ROBO2: variants seen among roughly 807,000 people sequenced by gnomAD.
The protein encoded by ROBO2 is roundabout homolog 2.
A neutral mutation model predicts 160.8 loss-of-function variants in ROBO2; 53 were observed. The ratio of observed to expected loss-of-function variants is 0.33; its 90% CI spans 0.26 to 0.41. The LOEUF is 0.41. Among genes scored for constraint, ROBO2 ranks in the 10% least tolerant of loss-of-function variants. The pLI is 1.00. For synonymous variants in ROBO2, 664 were observed against 611.7 expected, an observed-to-expected ratio of 1.09 and a Z score of -1.26; for missense variants, 1,577 against 1,722.4, an observed-to-expected ratio of 0.92 and a Z score of 1.49.
intron 2 of ROBO2, among the ~76,000 whole-genome samples, chr3:76,539,361 TTA>T (rs2082693021): frequency 7.1e-6 from 1 of 141,222 alleles, no homozygotes; most frequent in African/African-American, 2.8e-5. Flanking sequence ...TTAAGTAAAA[TTA>T]AAAAAAAAAA....
At chr3:76,054,664 A>G (rs2107834593) in intron 2 of ROBO2, among the ~76,000 whole-genome samples, 1 of 152,326 alleles carries the variant, frequency 6.6e-6, no homozygotes, top group African/African-American at 2.4e-5. Flanking sequence ...ATTACATATT[A>G]TATTATTCAA....
chr3:76,189,282 G>A (rs1417186612), intron 2 of ROBO2, among the ~76,000 whole-genome samples: 2 of 152,010 alleles, frequency 1.3e-5, no homozygotes, highest in Non-Finnish European at 2.9e-5. Flanking sequence ...TGAAGAGAAA[G>A]TATTCAACAC....
intron 2 of ROBO2, among the ~76,000 whole-genome samples, chr3:77,391,656 A>C (rs2074745937): frequency 6.6e-6 from 1 of 152,130 alleles, no homozygotes; most frequent in Non-Finnish European, 1.5e-5. Flanking sequence ...AATTCAAAAT[A>C]AGATTTGGGT....
chr3:77,429,538 GT>G (rs1255391978), intron 2 of ROBO2, among the ~76,000 whole-genome samples: 1 of 151,704 alleles, frequency 6.6e-6, no homozygotes, highest in East Asian at 1.9e-4. Flanking sequence ...GGACTTTGCA[GT>G]TTTGTTATGT....
At chr3:77,033,477 T>A (rs532386234) in intron 2 of ROBO2, among the ~76,000 whole-genome samples, 6 of 152,152 alleles carry the variant, frequency 3.9e-5, no homozygotes, top group Non-Finnish European at 7.4e-5. Flanking sequence ...TCTAGCTTTG[T>A]GATGAAATGT....
chr3:76,429,245 A>T (rs941171561), intron 2 of ROBO2, among the ~76,000 whole-genome samples: 1 of 151,944 alleles, frequency 6.6e-6, no homozygotes, highest in Non-Finnish European at 1.5e-5. Context: ...TGTATATGCT[A>T]TGTCCAAGGT....
intron 2 of ROBO2, among the ~76,000 whole-genome samples, chr3:77,180,265 A>C (rs1347586342): frequency 6.6e-6 from 1 of 151,938 alleles, no homozygotes; most frequent in Non-Finnish European, 1.5e-5. Context: ...CCTCATTTGA[A>C]TCATTGAATC....
chr3:77,280,780 C>A (rs1430509953), intron 2 of ROBO2, among the ~76,000 whole-genome samples: 1 of 152,176 alleles, frequency 6.6e-6, no homozygotes, highest in African/African-American at 2.4e-5. Flanking sequence ...CATGGTTCAA[C>A]TTCCTTTCAG....
At chr3:76,528,800 C>T (rs2082077948) in intron 2 of ROBO2, among the ~76,000 whole-genome samples, 1 of 152,064 alleles carries the variant, frequency 6.6e-6, no homozygotes, top group Non-Finnish European at 1.5e-5. Flanking sequence ...TAGGGCATTT[C>T]TACTTTTACA....
At chr3:77,598,315 A>G (rs1383914516) in intron 19 of ROBO2, among the ~76,000 whole-genome samples, 2 of 151,762 alleles carry the variant, frequency 1.3e-5, no homozygotes, top group Non-Finnish European at 1.5e-5. Flanking sequence ...TGATTATTGC[A>G]TAAGTCTGCA....
chr3:77,301,335 A>C (rs2062640753), intron 2 of ROBO2, among the ~76,000 whole-genome samples: 1 of 152,128 alleles, frequency 6.6e-6, no homozygotes, highest in African/African-American at 2.4e-5. Flanking sequence ...GACTGGTGTT[A>C]AAACAGTTCC....
chr3:77,368,352 A>G (rs2071237243), intron 2 of ROBO2, among the ~76,000 whole-genome samples: 2 of 152,176 alleles, frequency 1.3e-5, no homozygotes, highest in Non-Finnish European at 1.5e-5. Context: ...GTGCAAATGT[A>G]TGTATAATAG....
chr3:77,098,099 T>A (rs1213035537), exon 2 of ROBO2: 1 of 1,613,650 alleles, frequency 6.2e-7, no homozygotes, highest in Non-Finnish European at 8.5e-7. Flanking sequence ...AGCCCACGAC[T>A]CTGAACTGCA....
At chr3:76,364,857 A>C (rs1477446367) in intron 2 of ROBO2, among the ~76,000 whole-genome samples, 1 of 152,068 alleles carries the variant, frequency 6.6e-6, no homozygotes, top group East Asian at 1.9e-4. Context: ...AAATTCTACT[A>C]GGGAGGGCAA....
intron 2 of ROBO2, among the ~76,000 whole-genome samples, chr3:76,693,298 T>TAG (rs2092851050): frequency 6.6e-6 from 1 of 150,432 alleles, no homozygotes; most frequent in South Asian, 2.1e-4. Flanking sequence ...TATCTATATG[T>TAG]AGTGTGTGTA....
chr3:77,240,179 C>T (rs1443718915), intron 2 of ROBO2, among the ~76,000 whole-genome samples: 2 of 152,124 alleles, frequency 1.3e-5, no homozygotes, highest in Non-Finnish European at 2.9e-5. Flanking sequence ...CACGCAGGAG[C>T]CCACCACAGT....
intron 2 of ROBO2, among the ~76,000 whole-genome samples, chr3:77,136,118 A>C (rs905785008): frequency 1.3e-5 from 2 of 152,308 alleles, no homozygotes; most frequent in East Asian, 3.9e-4. Flanking sequence ...ATGGTTGTAC[A>C]TATTTCCTGT....
chr3:77,212,667 A>G (rs1051879865), intron 2 of ROBO2, among the ~76,000 whole-genome samples: 2 of 152,100 alleles, frequency 1.3e-5, no homozygotes, highest in Admixed American at 6.6e-5. Flanking sequence ...TTCAAAGGGA[A>G]TGCTTCCAGT....
chr3:76,855,235 T>G (rs1165206770), intron 2 of ROBO2, among the ~76,000 whole-genome samples: 1 of 152,146 alleles, frequency 6.6e-6, no homozygotes, highest in Admixed American at 6.6e-5. Context: ...AACCTCAAAT[T>G]TAATCAAAAT....
Sources: allele counts gnomAD v4.1 joint callset (sites outside exome capture counted in the v4.1 genomes callset), GRCh38; gene constraint gnomAD v4.1.1; transcripts MANE v1.5; gene names NCBI Gene and HGNC (gene_info 2026-07-23, HGNC 2026-07-21).